MMP28: variants seen among roughly 807,000 people sequenced by gnomAD.
MMP28 encodes matrix metalloproteinase-28.
In MMP28, 55 loss-of-function variants were observed where a neutral mutation model predicts 60.5. That is an observed-to-expected ratio of 0.91 (90% CI 0.73 to 1.14). MMP28 has a LOEUF of 1.14. Among genes scored for constraint, MMP28 ranks in the 50% most tolerant of loss-of-function variants. MMP28 has a pLI of 0.00. For synonymous variants in MMP28, 318 were observed against 312.5 expected, an observed-to-expected ratio of 1.02 and a Z score of -0.18; for missense variants, 686 against 738.3, an observed-to-expected ratio of 0.93 and a Z score of 0.82.
intron 4 of MMP28, 58 bp from the exon 5 acceptor site, chr17:35,770,370 G>T (rs2086095052): frequency 1.4e-6 from 2 of 1,443,802 alleles, no homozygotes; most frequent in Non-Finnish European, 9.0e-7. Context: ...CCAGGTACTC[G>T]CGGCCCAGCG....
chr17:35,766,570 G>A lies in MMP28; in HGVS notation c.1493C>T (p.Ser498Leu), dbSNP rs779505830. 92 of 1,611,560 alleles carry A rather than the reference G, an allele frequency of 5.7e-5. No individual in the cohort carries two copies. Among genetic ancestry groups the A allele is most frequent in the Middle Eastern group, 3.3e-4 (2 of 6,020 alleles). Reference protein sequence around the residue: ...LDQAKLQATTSGRWATELPWM... With the variant: ...LDQAKLQATTLGRWATELPWM... ...GGGCAGCTCGGTGGCCCAGCGGCCC[G>A]AGGTGGTTGCCTGCAGTTTGGCCTG... The change falls in exon 8 of 8, where the codon TCG (serine) becomes TTG (leucine). Residue 498 changes from serine to leucine, a missense_variant. By Grantham distance (145) the Ser-to-Leu change is moderately radical. Coordinates refer to ENST00000605424, the MANE Select transcript of MMP28 (RefSeq NM_024302.5). This position sits in a 1 kb window ranked among gnomAD's most constrained non-coding sequence, Gnocchi z 4.3.
downstream of MMP28, chr17:35,764,328 G>C (rs1453481412): frequency 1.2e-5 from 18 of 1,469,676 alleles, no homozygotes; most frequent in Admixed American, 2.5e-5. Flanking sequence ...ACCGACAGGT[G>C]CCTGCGCGCT....
chr17:35,756,843 G>A (rs1598399706), intron 2 of MMP28, among the ~76,000 whole-genome samples: 2 of 152,054 alleles, frequency 1.3e-5, no homozygotes, highest in Admixed American at 6.6e-5. Flanking sequence ...ATAAGTCATA[G>A]GGCCTGTCTG....
chr17:35,784,844 T>C (rs1417942063), intron 1 of MMP28, among the ~76,000 whole-genome samples: 2 of 152,152 alleles, frequency 1.3e-5, no homozygotes, highest in African/African-American at 4.8e-5. Context: ...TCTAGACCAC[T>C]CCTCCTGGCC....
At chr17:35,763,897 AAAATAAATAAATAAAT>A (rs35027942), downstream of MMP28, 313 of 654,374 alleles carry the variant, frequency 4.8e-4, 24 homozygotes, top group Middle Eastern at 3.4e-3. Context: ...ACCCTGTCTC[AAAATAAATAAATAAAT>A]AAATAAATAA....
rs2143244173 is a variant in MMP28, at chr17:35,770,271, C to G, written c.646G>C (p.Ala216Pro). The G allele has an allele frequency of 6.4e-7, 1 of 1,569,574 alleles. No individual in the cohort carries two copies. Among genetic ancestry groups the G allele is most frequent in the East Asian group, 2.3e-5 (1 of 43,198 alleles). ...AHAFLPRRGE[A>P]HFDQDERWSL... ...CAGCGCTCATCTTGGTCGAAGTGCG[C>G]TTCGCCGCGGCGGGGCAGGAAGGCG... Residue 216 changes from alanine (A) to proline (P), a missense_variant, in exon 5 of 8, where the codon GCG (alanine) becomes CCG (proline). Ala to Pro is a conservative substitution (Grantham distance 27). Transcript: ENST00000605424.
chr17:35,758,619 G>C (rs1035460145), intron 2 of MMP28, among the ~76,000 whole-genome samples: 5 of 152,156 alleles, frequency 3.3e-5, no homozygotes, highest in Middle Eastern at 3.4e-3. Flanking sequence ...TTGAATCCGG[G>C]GGGCAGAGGT....
At chr17:35,767,058 A>C (rs1555603784) in intron 7 of MMP28, 164 bp from the exon 8 acceptor site, 1 of 753,194 alleles carries the variant, frequency 1.3e-6, no homozygotes, top group Non-Finnish European at 2.3e-6. Flanking sequence ...TATAAATAGC[A>C]GGGTGGTAGT....
intron 4 of MMP28, among the ~76,000 whole-genome samples, chr17:35,770,591 T>C (rs1024024601): frequency 6.6e-6 from 1 of 152,224 alleles, no homozygotes; most frequent in Non-Finnish European, 1.5e-5. Context: ...TTCCTACTTT[T>C]ACAATCTACT....
chr17:35,770,714 ATGTGTG>A lies in MMP28; in HGVS notation c.605-408_605-403del, dbSNP rs56074641. ...CTCACAGAGTTGTTCTGAATAATAA[ATGTGTG>A]TGTGTGTGTGTGTGTGTGTGTGTGT... On this transcript the variant is annotated intron_variant, in intron 4 of 7. Transcript: ENST00000605424. Among the ~76,000 whole-genome samples, 200 of 147,648 alleles carry A rather than the reference ATGTGTG, an allele frequency of 1.4e-3. 1 individual carries two copies. The highest frequency in any genetic ancestry group is 2.4e-3 in the South Asian group (11 of 4,586).
At chr17:35,780,572 C>T (rs1321227398) in intron 1 of MMP28, among the ~76,000 whole-genome samples, 6 of 152,112 alleles carry the variant, frequency 3.9e-5, no homozygotes, top group Non-Finnish European at 5.9e-5. Flanking sequence ...CAGTGGCTCA[C>T]GCCTGTAATC....
intron 3 of MMP28, among the ~76,000 whole-genome samples, chr17:35,775,480 G>C (rs1555607383): frequency 2.0e-5 from 3 of 152,252 alleles, no homozygotes; most frequent in Admixed American, 1.3e-4. Flanking sequence ...GTATGGGAAG[G>C]GGGAGGAGAA....
At chr17:35,764,374 C>T (rs587600043), downstream of MMP28, 386 of 1,458,364 alleles carry the variant, frequency 2.6e-4, 4 homozygotes, top group East Asian at 0.01. Flanking sequence ...GTGCCCGGGC[C>T]CCAGGGAGGA....
intron 3 of MMP28, among the ~76,000 whole-genome samples, chr17:35,777,521 A>T (rs1232086916): frequency 6.6e-6 from 1 of 152,208 alleles, no homozygotes; most frequent in Non-Finnish European, 1.5e-5. Context: ...CAATTTCCTT[A>T]CAGGTTAGCT....
At chr17:35,756,564 G>A (rs1262474352) in intron 2 of MMP28, 9 of 334,916 alleles carry the variant, frequency 2.7e-5, no homozygotes, top group South Asian at 1.2e-4. Flanking sequence ...TCTGCTTCTC[G>A]GGTTCAAGTG....
At position 35,795,361 on chromosome 17, in the gene MMP28, C is replaced by G. The variant is rs1039749469; in HGVS notation, c.17G>C (p.Gly6Ala). The change falls in exon 1 of 8, where the codon GGC (glycine) becomes GCC (alanine). Residue 6 changes from glycine (G) to alanine (A), a missense_variant. By Grantham distance (60) the Gly-to-Ala change is moderately conservative (BLOSUM62 0). Coordinates refer to ENST00000605424, the MANE Select transcript of MMP28 (RefSeq NM_024302.5). ...CAGCTGCAGGGCGCGCAGCAGGAGG[C>G]CGACGCGCGCGACCATCTCGCCGCC... is the stretch of plus-strand genomic sequence containing the variant. MVARV[G>A]LLLRALQLLL... The G allele has an allele frequency of 1.5e-5, 21 of 1,446,552 alleles. No individual in the cohort carries two copies. The highest frequency in any genetic ancestry group is 1.9e-4 in the Middle Eastern group (1 of 5,230). 89.6% of individuals were successfully genotyped at this position (1,446,552 alleles called of 1,614,324 possible). A position where few individuals can be genotyped will look rare whatever the true frequency, so the allele number is the denominator to read the frequency against.
At chr17:35,793,254 C>T (rs1343153585) in intron 1 of MMP28, among the ~76,000 whole-genome samples, 2 of 152,288 alleles carry the variant, frequency 1.3e-5, no homozygotes, top group East Asian at 3.9e-4. Flanking sequence ...CCCAAGCATA[C>T]CCCAAGATGA....
In MMP28 at chr17:35,765,959, ACT is replaced by A. The variant is rs958200882; in HGVS notation, c.*539_*540del. 20 of 984,714 alleles carry A rather than the reference ACT, an allele frequency of 2.0e-5. No individual in the cohort carries two copies. Among genetic ancestry groups the A allele is most frequent in the Non-Finnish European group, 2.4e-5 (20 of 829,778 alleles). The allele number at this position is 984,714 out of a possible 1,614,324, so 61.0% of individuals were successfully genotyped here. A position where few individuals can be genotyped will look rare whatever the true frequency, so the allele number is the denominator to read the frequency against. On this transcript the variant is annotated 3_prime_UTR_variant, in exon 8 of 8. Transcript: ENST00000605424. ...GTAGGCCTGCATCAGTCTCCCTCCC[ACT>A]CTGTGTCCTGACCCCACAAAGGGCC...
At chr17:35,774,124 G>C (rs2143335919) in intron 3 of MMP28, among the ~76,000 whole-genome samples, 1 of 152,280 alleles carries the variant, frequency 6.6e-6, no homozygotes, top group Admixed American at 6.5e-5. Context: ...CTTTGTTAAG[G>C]GTTTCTCTCC....
Sources: gnomAD v4.1 joint callset for allele counts (sites outside exome capture counted in the v4.1 genomes callset) on GRCh38, gnomAD v4.1.1 for gene constraint, Gnocchi (gnomAD v3.1) non-coding constraint, MANE v1.5 for transcripts, NCBI Gene and HGNC (gene_info 2026-07-23, HGNC 2026-07-21) for gene names.